Variants in MAP4 observed in about 807,000 individuals in gnomAD.
MAP4 encodes the protein microtubule associated protein 4, also known as microtubule-associated protein 4.
MAP4 carries 76 observed loss-of-function variants against 170.2 expected under a neutral mutation model. The ratio of observed to expected loss-of-function variants is 0.45; its 90% CI spans 0.37 to 0.54. The LOEUF (loss-of-function observed/expected upper bound fraction) is 0.54, where lower values mean the gene tolerates loss of function less well. Ranked by LOEUF, MAP4 falls within the 20% of genes least tolerant of loss-of-function variation. The pLI, the probability that MAP4 is intolerant of heterozygous loss-of-function variation, is 0.00. For missense variants in MAP4, 2,506 were observed against 2,748.0 expected, an observed-to-expected ratio of 0.91 and a Z score of 1.97; for synonymous variants, 909 against 994.5, an observed-to-expected ratio of 0.91 and a Z score of 1.62.
chr3:47,946,101 A>AT (rs74703535), intron 3 of MAP4, among the ~76,000 whole-genome samples: 325 of 138,198 alleles, frequency 2.4e-3, no homozygotes, highest in Middle Eastern at 3.7e-3. Flanking sequence ...TGCTTGGCTA[A>AT]TTTTTTTTTT....
At chr3:48,085,456 A>T (rs1158205459) in intron 1 of MAP4, among the ~76,000 whole-genome samples, 3 of 152,238 alleles carry the variant, frequency 2.0e-5, no homozygotes, top group African/African-American at 4.8e-5. Flanking sequence ...ATATAAATGT[A>T]TTTGTAAATT....
chr3:47,909,790 T>C lies in MAP4; in HGVS notation c.4631A>G (p.Asp1544Gly). The C allele has an allele frequency of 1.2e-6, 2 of 1,614,056 alleles. No individual in the cohort carries two copies. Among genetic ancestry groups the C allele is most frequent in the Non-Finnish European group, 1.7e-6 (2 of 1,179,904 alleles). ...ADSMKNEAGI[D>G]EGHVIGESES... ...AGATTCTCCTATCACATGCCCTTCA[T>C]CGATCCCTGCTTCATTTTTCATGGA... Residue 1544 changes from aspartate to glycine, a missense_variant, in exon 9 of 21, where the codon GAT (aspartate) becomes GGT (glycine). Transcript: ENST00000683076.
chr3:47,945,113 G>C (rs1197619291), intron 3 of MAP4, among the ~76,000 whole-genome samples: 1 of 151,888 alleles, frequency 6.6e-6, no homozygotes, highest in East Asian at 1.9e-4. Context: ...AGCACTTTGG[G>C]AGGCTGAGGC....
chr3:48,064,226 G>A (rs370312812), intron 1 of MAP4, among the ~76,000 whole-genome samples: 114 of 152,096 alleles, frequency 7.5e-4, no homozygotes, highest in African/African-American at 2.7e-3. Context: ...TTACTCCTGG[G>A]GATAACATCA....
At chr3:48,015,356 T>C (rs1424185559) in intron 1 of MAP4, among the ~76,000 whole-genome samples, 1 of 152,162 alleles carries the variant, frequency 6.6e-6, no homozygotes, top group East Asian at 1.9e-4. Context: ...TTTTATACGT[T>C]TGTTTTTGCA....
At chr3:47,903,795 T>C (rs180734356) in intron 9 of MAP4, among the ~76,000 whole-genome samples, 173 of 152,314 alleles carry the variant, frequency 1.1e-3, no homozygotes, top group Non-Finnish European at 1.1e-3. Context: ...ATTCAAAAAA[T>C]GTCATTAGGC....
At chr3:48,053,125 G>A (rs1366261714) in intron 1 of MAP4, among the ~76,000 whole-genome samples, 1 of 152,048 alleles carries the variant, frequency 6.6e-6, no homozygotes, top group Non-Finnish European at 1.5e-5. Context: ...CACATCATAA[G>A]AAAAAGACAA....
chr3:47,920,988 T>C (rs1201086280), intron 5 of MAP4, among the ~76,000 whole-genome samples: 1 of 151,986 alleles, frequency 6.6e-6, no homozygotes, highest in East Asian at 1.9e-4. Context: ...CAAAACCCCA[T>C]CTCTACAAAA....
chr3:48,028,868 C>A lies in MAP4; in HGVS notation c.-19-29989G>T, dbSNP rs1202952157. 2.6e-5 allele frequency among the ~76,000 whole-genome samples: 4 copies of A among 151,976 alleles called. No individual in the cohort carries two copies. The South Asian group carries it at 8.3e-4, about 32-fold the overall frequency. ...CCAAAATGTCTTACTTCTGGTCAGG[C>A]ACCGTGGCAAAGGTCTGTAATCCCA... On this transcript the variant is annotated intron_variant, in intron 1 of 18. Coordinates refer to the MAP4 transcript ENST00000360240.
chr3:48,021,627 T>TGA (rs2100110612), intron 1 of MAP4, among the ~76,000 whole-genome samples: 1 of 152,218 alleles, frequency 6.6e-6, no homozygotes, highest in African/African-American at 2.4e-5. Context: ...ATTACAGGCG[T>TGA]GAGACACCAC....
Position 47,916,455 on chromosome 3 carries a change from C to T in MAP4, c.1372G>A (p.Val458Met). 4.3e-6 allele frequency: 7 copies of T among 1,614,172 alleles called. No homozygotes were observed. The highest frequency in any genetic ancestry group is 4.2e-6 in the Non-Finnish European group (5 of 1,180,024). ...RDMTLPPETNVILTKDKALPL... is the reference protein window; with the variant it reads ...RDMTLPPETNMILTKDKALPL... ...AGTGCTTTATCCTTGGTCAAGATCACGTTGGTTTCCGGGGGCAGTGTCATG... is the reference window on the plus strand; with the variant it reads ...AGTGCTTTATCCTTGGTCAAGATCATGTTGGTTTCCGGGGGCAGTGTCATG... The change falls in exon 7 of 21, where the codon GTG (valine) becomes ATG (methionine). Residue 458 changes from valine to methionine, a missense_variant. By Grantham distance (21) the Val-to-Met change is conservative. Transcript: ENST00000683076.
chr3:47,972,021 A>G (rs1471736144), intron 3 of MAP4, among the ~76,000 whole-genome samples: 2 of 152,246 alleles, frequency 1.3e-5, no homozygotes, highest in East Asian at 1.9e-4. Context: ...TGTGCTTTAA[A>G]CCTGAGAACA....
upstream of MAP4, among the ~76,000 whole-genome samples, chr3:48,020,214 C>A (rs534705331): frequency 6.6e-6 from 1 of 152,172 alleles, no homozygotes; most frequent in East Asian, 1.9e-4. Flanking sequence ...AATGTGTGTC[C>A]CACCCAGAGT....
chr3:48,072,847 A>T (rs557873413), intron 1 of MAP4, among the ~76,000 whole-genome samples: 1 of 152,366 alleles, frequency 6.6e-6, no homozygotes, highest in Non-Finnish European at 1.5e-5. Context: ...TGCAGCATCA[A>T]TTGAACATAC....
chr3:47,927,149 ACT>A (rs1198963162), intron 4 of MAP4, among the ~76,000 whole-genome samples: 19 of 128,462 alleles, frequency 1.5e-4, no homozygotes, highest in Admixed American at 6.6e-4. Context: ...ACAGAGCAAG[ACT>A]CTGTCTCAAA....
chr3:47,853,457 G>A, intron 19 of MAP4, 105 bp from the exon 20 acceptor site: 1 of 806,514 alleles, frequency 1.2e-6, no homozygotes, highest in Non-Finnish European at 1.9e-6. Context: ...TTGCTGCCCT[G>A]GCACCCACTG....
intron 10 of MAP4, among the ~76,000 whole-genome samples, chr3:47,881,718 T>C (rs1230962714): frequency 6.6e-6 from 1 of 151,432 alleles, no homozygotes; most frequent in African/African-American, 2.4e-5. Flanking sequence ...GTGATCCTCC[T>C]ACCTCAGCTC....
At chr3:47,941,423 C>G (rs1293658185) in intron 3 of MAP4, among the ~76,000 whole-genome samples, 2 of 151,822 alleles carry the variant, frequency 1.3e-5, no homozygotes, top group South Asian at 2.1e-4. Context: ...AGACTGAATG[C>G]AGAGGCAGAT....
Position 47,992,944 on chromosome 3 carries a change from C to T in MAP4, c.223+5694G>A, listed in dbSNP as rs553860014. ...AAGCTCATACTAACTTGTTATAACA[C>T]GTCTGAACAGGATCTAGTTTGAAGC... On this transcript the variant is annotated intron_variant, in intron 2 of 20. Transcript: ENST00000683076. Among the ~76,000 whole-genome samples, 8 of 149,338 alleles carry T rather than the reference C, an allele frequency of 5.4e-5. 1 individual carries two copies. In the South Asian group the frequency reaches 6.3e-4, roughly 12 times the overall value.
Sources: gnomAD v4.1 joint callset for allele counts (sites outside exome capture counted in the v4.1 genomes callset) on GRCh38, gnomAD v4.1.1 for gene constraint, MANE v1.5 for transcripts, NCBI Gene and HGNC (gene_info 2026-07-23, HGNC 2026-07-21) for gene names.